PVT1: variants seen among roughly 807,000 people sequenced by gnomAD.
PVT1 encodes the protein CXCR4/PVT1 fusion.
intron 4 of PVT1, among the ~76,000 whole-genome samples, chr8:128,041,233 GTGTGT>G (rs747284091): frequency 0.038 from 3,453 of 91,816 alleles, 68 homozygotes; most frequent in Middle Eastern, 0.076. Flanking sequence ...GTGCATGTGT[GTGTGT>G]TGTTTGTGTG....
At chr8:127,811,610 C>T (rs1412734909) in intron 2 of PVT1, among the ~76,000 whole-genome samples, 1 of 152,192 alleles carries the variant, frequency 6.6e-6, no homozygotes, top group African/African-American at 2.4e-5. Flanking sequence ...TGCTTCAGTT[C>T]CTTACATACT....
chr8:127,942,357 T>C (rs1816363459), intron 3 of PVT1, among the ~76,000 whole-genome samples: 1 of 152,264 alleles, frequency 6.6e-6, no homozygotes, highest in Admixed American at 6.5e-5. Context: ...AGGAAAGAAA[T>C]CAGGTGTGAT....
chr8:128,077,434 T>G (rs1296685438), intron 5 of PVT1, among the ~76,000 whole-genome samples: 1 of 152,142 alleles, frequency 6.6e-6, no homozygotes, highest in Non-Finnish European at 1.5e-5. Flanking sequence ...GAAATGAGAT[T>G]CTGCAATAGG....
Position 128,038,846 on chromosome 8 carries a change from TG to T in PVT1, n.913-31311del, listed in dbSNP as rs563341495. Among the ~76,000 whole-genome samples, 12 of 152,256 alleles carry T rather than the reference TG, an allele frequency of 7.9e-5. No individual in the cohort carries two copies. In the East Asian group the frequency reaches 2.3e-3, roughly 29 times the overall value. On this transcript the variant is annotated intron_variant and non_coding_transcript_variant, in intron 4 of 10. Transcript: ENST00000651587. Reference sequence around the variant, plus strand: ...GTGGACAAAGCACCCTGCTGAGAGCTGGGCAGGTCTTCGGAAGGAGATTTAA... The same window carrying T: ...GTGGACAAAGCACCCTGCTGAGAGCTGGCAGGTCTTCGGAAGGAGATTTAA...
At chr8:127,797,481 T>C (rs1814410961) in intron 2 of PVT1, among the ~76,000 whole-genome samples, 1 of 152,154 alleles carries the variant, frequency 6.6e-6, no homozygotes, top group South Asian at 2.1e-4. Context: ...TTTGGACCAT[T>C]GAGTCCTGTG....
chr8:127,845,376 C>T lies in PVT1; in HGVS notation n.373-45213C>T, dbSNP rs369515003. ...CTATAGAAGAGGGAGATCCTCATGG[C>T]TTTCAAGGAGTCATGCCCAAGATAC... On this transcript the variant is annotated intron_variant and non_coding_transcript_variant, in intron 2 of 10. Coordinates refer to ENST00000651587, the Ensembl canonical transcript of PVT1. 2.0e-5 allele frequency among the ~76,000 whole-genome samples: 3 copies of T among 152,104 alleles called. No homozygotes were observed. In the East Asian group the frequency reaches 5.8e-4, roughly 29 times the overall value.
intron 4 of PVT1, among the ~76,000 whole-genome samples, chr8:128,003,897 G>A (rs920726350): frequency 2.0e-5 from 3 of 152,182 alleles, no homozygotes; most frequent in Admixed American, 6.5e-5. Context: ...TTTTCTTACT[G>A]TGCTAGAGGC....
chr8:127,951,587 C>A (rs1011914704), intron 3 of PVT1, among the ~76,000 whole-genome samples: 1 of 152,192 alleles, frequency 6.6e-6, no homozygotes, highest in Non-Finnish European at 1.5e-5. Flanking sequence ...AGTACAATAT[C>A]AACAGCAAGC....
chr8:127,811,691 C>G (rs1412333741), intron 2 of PVT1, among the ~76,000 whole-genome samples: 1 of 152,306 alleles, frequency 6.6e-6, no homozygotes, highest in South Asian at 2.1e-4. Flanking sequence ...TTCTTCTGTT[C>G]TTTTCCTTTT....
chr8:127,932,604 C>A, intron 3 of PVT1: 1 of 398,476 alleles, frequency 2.5e-6, no homozygotes, highest in Non-Finnish European at 4.4e-6. Context: ...TGTGCAGATT[C>A]GCTGTTCGTA....
intron 5 of PVT1, among the ~76,000 whole-genome samples, chr8:128,074,838 C>T (rs1446323694): frequency 6.6e-6 from 1 of 152,204 alleles, no homozygotes; most frequent in East Asian, 1.9e-4. Flanking sequence ...TCCTCTCACA[C>T]TGCAGGCTTC....
At chr8:127,826,943 C>G (rs1221346400) in intron 2 of PVT1, among the ~76,000 whole-genome samples, 1 of 151,512 alleles carries the variant, frequency 6.6e-6, no homozygotes. Context: ...TCTGAACTCA[C>G]GTGCCCTGGA....
At chr8:128,025,293 G>T (rs533294065) in intron 4 of PVT1, among the ~76,000 whole-genome samples, 2 of 152,316 alleles carry the variant, frequency 1.3e-5, no homozygotes, top group African/African-American at 4.8e-5. Context: ...TGGGCTGGCA[G>T]CTTCTCTGAG....
intron 5 of PVT1, among the ~76,000 whole-genome samples, chr8:128,092,123 C>T (rs1233263164): frequency 3.3e-5 from 5 of 152,142 alleles, no homozygotes; most frequent in Non-Finnish European, 7.3e-5. Flanking sequence ...AGTGCAGGGG[C>T]TGGGAAGCTG....
chr8:127,984,881 CTT>C lies in PVT1; in HGVS notation n.783-4279_783-4278del, dbSNP rs1160406445. Among the ~76,000 whole-genome samples the C allele has an allele frequency of 2.3e-3, 217 of 93,182 alleles. 4 individuals carry two copies. The highest frequency in any genetic ancestry group is 9.3e-3 in the South Asian group (20 of 2,154). 61.1% of individuals were successfully genotyped at this position (93,182 alleles called of 152,430 possible). On this transcript the variant is annotated intron_variant and non_coding_transcript_variant, in intron 3 of 10. Coordinates refer to ENST00000651587, the Ensembl canonical transcript of PVT1. ...TCTTTCTTTCTTTCTTTCTTTCTTT[CTT>C]TCTTTCTTTCTTTCTTTCTTTCTTT...
chr8:127,845,004 C>T (rs1455013360), intron 2 of PVT1, among the ~76,000 whole-genome samples: 1 of 152,186 alleles, frequency 6.6e-6, no homozygotes, highest in Non-Finnish European at 1.5e-5. Flanking sequence ...TGAGCTACCA[C>T]GCCCGGCCGG....
At chr8:127,866,652 G>T (rs891520182) in intron 2 of PVT1, among the ~76,000 whole-genome samples, 17 of 152,158 alleles carry the variant, frequency 1.1e-4, no homozygotes, top group Non-Finnish European at 1.5e-4. Flanking sequence ...GTTCCAGGAT[G>T]GTGACAGACA....
chr8:128,074,718 C>G (rs185038229), intron 5 of PVT1, among the ~76,000 whole-genome samples: 196 of 152,232 alleles, frequency 1.3e-3, no homozygotes, highest in Admixed American at 2.6e-3. Context: ...GTTAGGATGG[C>G]TAATTATATA....
Position 128,041,619 on chromosome 8 carries a change from G to A in PVT1, n.913-28541G>A, listed in dbSNP as rs78495226. On this transcript the variant is annotated intron_variant and non_coding_transcript_variant, in intron 4 of 10. Coordinates refer to ENST00000651587, the Ensembl canonical transcript of PVT1. The stretch of plus-strand genomic sequence containing the variant: ...GTGTGTACATGTGTTTGGTGTGTGT[G>A]TGTGTGTTGTGTGCATGTGTGGTGA... Among the ~76,000 whole-genome samples the A allele has an allele frequency of 8.2e-3, 1,220 of 148,634 alleles. 9 individuals are homozygous for A. The highest frequency in any genetic ancestry group is 0.018 in the Middle Eastern group (5 of 274).
Sources: allele counts gnomAD v4.1 joint callset (sites outside exome capture counted in the v4.1 genomes callset), GRCh38; gene constraint gnomAD v4.1.1; transcripts MANE v1.5; gene names NCBI Gene and HGNC (gene_info 2026-07-23, HGNC 2026-07-21).